Variants in CYB5R2 observed in about 807,000 individuals in gnomAD.
CYB5R2 encodes the protein NADH-cytochrome b5 reductase 2.
A neutral mutation model predicts 29.8 loss-of-function variants in CYB5R2; 35 were observed. That is an observed-to-expected ratio of 1.17 (90% confidence interval 0.90 to 1.56). CYB5R2 has a LOEUF of 1.56. Among genes scored for constraint, CYB5R2 ranks in the 40% most tolerant of loss-of-function variants. The probability of loss-of-function intolerance (pLI) is 0.00; values close to 1 mark genes in which losing one functional copy is unlikely to be tolerated. For synonymous variants in CYB5R2, 169 were observed against 130.6 expected (o/e 1.29, Z -2.01); for missense variants, 419 against 346.7 (o/e 1.21, Z -1.66).
Position 7,665,424 on chromosome 11 carries a change from G to C in CYB5R2, c.781C>G (p.Pro261Ala). 6.2e-7 allele frequency: 1 copy of C among 1,611,440 alleles called. No homozygotes were observed. The highest frequency in any genetic ancestry group is 8.5e-7 in the Non-Finnish European group (1 of 1,179,006). Residue 261 changes from proline (P) to alanine (A), a missense_variant, in exon 9 of 9, where the codon CCT (proline) becomes GCT (alanine). Coordinates refer to ENST00000299498, the MANE Select transcript of CYB5R2 (RefSeq NM_016229.5). ...PPPLIQTAAH[P>A]NLEKLGYTQD... is the part of the protein sequence containing the mutation. ...GTATAACCCAGCTTCTCCAGGTTAG[G>C]GTGAGCCGCCGTCTGGATTAGTGGT...
At chr11:7,674,241 C>T (rs1173601812), upstream of CYB5R2, 5 of 1,288,526 alleles carry the variant, frequency 3.9e-6, no homozygotes, top group Middle Eastern at 4.4e-4. Context: ...GGGCGCCTAC[C>T]CTGGGCCTGG....
chr11:7,673,880 A>T (rs1439365511), upstream of CYB5R2: 1 of 991,240 alleles, frequency 1.0e-6, no homozygotes, highest in Admixed American at 5.9e-5. Context: ...GCGCGGGCGG[A>T]CCCCGCAGGC....
rs113446266 is a variant in CYB5R2, at chr11:7,665,876, G to T, written c.659-330C>A. The T allele has an allele frequency of 7.7e-4, 1,179 of 1,536,140 alleles. 13 individuals are homozygous for T. The African/African-American group carries it at 0.013, about 17-fold the overall frequency. On this transcript the variant is annotated intron_variant, in intron 8 of 8. Coordinates refer to ENST00000299498, the MANE Select transcript of CYB5R2 (RefSeq NM_016229.5). ...AGCTGGAGTTGTCCGGCAGGGTGTG[G>T]CCTGGTGTTAGTGGAACTGCGCAGA...
chr11:7,669,194 CCCT>C lies in CYB5R2; in HGVS notation c.388+8_388+10del, dbSNP rs1855561864. On this transcript the variant is annotated splice_region_variant and intron_variant, in intron 5 of 8. Coordinates refer to ENST00000299498, the MANE Select transcript of CYB5R2 (RefSeq NM_016229.5). ...CCCAGCTGGGAGCCCAAGTATTAAC[CCCT>C]CCAGTACCTGGCCCATGGTAAAACA... 1 of 1,613,996 alleles carries C rather than the reference CCCT, an allele frequency of 6.2e-7. No homozygotes were observed. The highest frequency in any genetic ancestry group is 8.5e-7 in the Non-Finnish European group (1 of 1,180,014).
intron 8 of CYB5R2, chr11:7,666,217 C>CGT (rs144096037): frequency 0.36 from 213,392 of 592,438 alleles, 41,748 homozygotes; most frequent in Non-Finnish European, 0.41. Flanking sequence ...TTCAGTGCAG[C>CGT]GTGAGGTGCT....
intron 3 of CYB5R2, 94 bp downstream of exon 3, chr11:7,672,357 C>T: frequency 2.8e-6 from 3 of 1,076,522 alleles, no homozygotes; most frequent in Non-Finnish European, 2.8e-6. Flanking sequence ...GCATCTTCCA[C>T]ACCTCAGGAC....
intron 3 of CYB5R2, chr11:7,670,813 A>G (rs1855685186): frequency 6.6e-6 from 1 of 152,210 alleles, no homozygotes; most frequent in Non-Finnish European, 1.5e-5. Context: ...AGATACTAAG[A>G]GCTAGAGGCA....
At chr11:7,666,696 T>TCTG (rs1565149978) in intron 7 of CYB5R2, 146 bp from the exon 8 acceptor site, 4 of 571,650 alleles carry the variant, frequency 7.0e-6, no homozygotes, top group South Asian at 6.6e-5. Flanking sequence ...AAACAAGAGT[T>TCTG]CTGCTGCTGC....
chr11:7,674,013 G>A (rs12273578), upstream of CYB5R2: 3,023 of 1,164,248 alleles, frequency 2.6e-3, 59 homozygotes, highest in African/African-American at 0.046. Context: ...GGCTGGCGGG[G>A]CGCTGAGCCG....
chr11:7,666,087 G>T, intron 8 of CYB5R2: 1 of 646,690 alleles, frequency 1.5e-6, no homozygotes, highest in South Asian at 1.8e-5. Flanking sequence ...TAAGGGGTGT[G>T]GTGGCCGTAA....
chr11:7,670,086 C>T, intron 3 of CYB5R2: 1 of 240,300 alleles, frequency 4.2e-6, no homozygotes, highest in South Asian at 4.8e-5. Flanking sequence ...AGGGGTCAGA[C>T]ATGGTAGCTC....
rs774799960 is a variant in CYB5R2, at chr11:7,669,302, A to G, written c.291T>C (p.Pro97=). 1.2e-6 allele frequency: 2 copies of G among 1,614,080 alleles called. No individual in the cohort carries two copies. Among genetic ancestry groups the G allele is most frequent in the South Asian group, 1.1e-5 (1 of 91,062 alleles). Residue 97 remains proline (P), a synonymous_variant, in exon 5 of 9, where the codon CCT becomes CCC. Coordinates refer to ENST00000299498, the MANE Select transcript of CYB5R2 (RefSeq NM_016229.5). ...AATACTGAGTCATCTTCCCACCTTC[A>G]GGATATTGGGGGTGTACATTTTTGA... ...IYFKNVHPQY[P]EGGKMTQYLE... is the part of the protein sequence containing the mutation.
upstream of CYB5R2, chr11:7,674,009 C>T (rs1855933643): frequency 1.7e-6 from 2 of 1,153,316 alleles, no homozygotes; most frequent in Non-Finnish European, 1.1e-6. Flanking sequence ...ATGAGGCTGG[C>T]GGGGCGCTGA....
chr11:7,668,717 A>G (rs1054821533), intron 5 of CYB5R2, 156 bp from the exon 6 acceptor site: 2 of 687,838 alleles, frequency 2.9e-6, no homozygotes, highest in Admixed American at 2.1e-5. Context: ...CAGTCTCCTC[A>G]GCTAGCCCTG....
Position 7,672,872 on chromosome 11 carries a change from G to A in CYB5R2, c.-47C>T, listed in dbSNP as rs368607790. On this transcript the variant is annotated 5_prime_UTR_variant, in exon 2 of 9. Transcript: ENST00000299498. ...CACAGTGACCCCAGTGACGGTGATGGTCAGGAGCAGGGACGGGTCCTGGCA... is the reference window on the plus strand; with the variant it reads ...CACAGTGACCCCAGTGACGGTGATGATCAGGAGCAGGGACGGGTCCTGGCA... 4 of 1,613,748 alleles carry A rather than the reference G, an allele frequency of 2.5e-6. No individual in the cohort carries two copies.
chr11:7,673,309 G>T, intron 1 of CYB5R2, 110 bp downstream of exon 1: 1 of 945,142 alleles, frequency 1.1e-6, no homozygotes. Context: ...TCTAAGAGGT[G>T]CCCCGTGACT....
In CYB5R2 at chr11:7,669,113, G is replaced by A. The variant is rs752498345; in HGVS notation, c.388+92C>T. 1.5e-5 allele frequency: 22 copies of A among 1,496,748 alleles called. 1 individual carries two copies. In the South Asian group the frequency reaches 2.1e-4, roughly 15 times the overall value. The allele number at this position is 1,496,748 out of a possible 1,614,324, so 92.7% of individuals were successfully genotyped here. A position where few individuals can be genotyped will look rare whatever the true frequency, so the allele number is the denominator to read the frequency against. On this transcript the variant is annotated intron_variant, in intron 5 of 8. Transcript: ENST00000299498. ...GAATGAAGACTAAGGACAACCCCAT[G>A]TGACTCAAATCTGAGGAGTGTACGA... is the stretch of plus-strand genomic sequence containing the variant.
intron 2 of CYB5R2, 34 bp downstream of exon 2, chr11:7,672,714 T>G (rs367691614): frequency 6.2e-7 from 1 of 1,613,692 alleles, no homozygotes; most frequent in East Asian, 2.2e-5. Context: ...CATCATCCAC[T>G]TACTGCCTTC....
chr11:7,668,976 T>C (rs1024098945), intron 5 of CYB5R2: 1 of 672,952 alleles, frequency 1.5e-6, no homozygotes, highest in Admixed American at 2.1e-5. Flanking sequence ...GAGATTTTGA[T>C]ACAATGACGA....
Sources: gnomAD v4.1 joint callset for allele counts on GRCh38, gnomAD v4.1.1 for gene constraint, MANE v1.5 for transcripts, NCBI Gene and HGNC (gene_info 2026-07-23, HGNC 2026-07-21) for gene names.